Variants in HACD1 observed in about 807,000 individuals in gnomAD.
HACD1 encodes the protein 3-hydroxyacyl-CoA dehydratase 1.
In HACD1, 41 loss-of-function variants were observed where a neutral mutation model predicts 32.0. The ratio of observed to expected loss-of-function variants is 1.28; its 90% CI spans 1.00 to 1.66. The LOEUF is 1.66. Ranked by LOEUF, HACD1 falls within the 40% of genes most tolerant of loss-of-function variation. HACD1 has a pLI of 0.00. For synonymous variants in HACD1, 142 were observed against 139.0 expected (o/e 1.02, Z -0.15); for missense variants, 396 against 380.1 (o/e 1.04, Z -0.35).
intron 5 of HACD1, among the ~76,000 whole-genome samples, chr10:17,598,024 C>T (rs932494120): frequency 6.6e-6 from 1 of 151,964 alleles, no homozygotes; most frequent in African/African-American, 2.4e-5. Flanking sequence ...CTTAGGGAGG[C>T]CGAGGTGGGT....
At position 17,617,356 on chromosome 10, in the gene HACD1, G is replaced by C. The variant is rs76308933; in HGVS notation, c.-17C>G. The C allele has an allele frequency of 1.5e-6, 2 of 1,349,156 alleles. No homozygotes were observed. Among genetic ancestry groups the C allele is most frequent in the African/African-American group, 1.5e-5 (1 of 65,350 alleles). The allele number at this position is 1,349,156 out of a possible 1,614,324, so 83.6% of individuals were successfully genotyped here. A position where few individuals can be genotyped will look rare whatever the true frequency, so the allele number is the denominator to read the frequency against. On this transcript the variant is annotated 5_prime_UTR_variant, in exon 1 of 7. Transcript: ENST00000361271. ...GCGCCCCATGTGCAGCGCGCAGGGG[G>C]CTCGGCGCAGCCAGCTCTACCGACC... is the stretch of plus-strand genomic sequence containing the variant.
intron 1 of HACD1, among the ~76,000 whole-genome samples, chr10:17,605,905 G>A (rs1834139922): frequency 6.6e-6 from 1 of 152,042 alleles, no homozygotes; most frequent in Non-Finnish European, 1.5e-5. Context: ...AGTGAGCTGA[G>A]ATGGTGCCAC....
At chr10:17,608,173 C>G (rs1834175527) in intron 1 of HACD1, among the ~76,000 whole-genome samples, 1 of 152,036 alleles carries the variant, frequency 6.6e-6, no homozygotes, top group Admixed American at 6.6e-5. Flanking sequence ...CCATACCTGG[C>G]TCATTATTGT....
intron 1 of HACD1, among the ~76,000 whole-genome samples, chr10:17,616,248 C>T (rs1467421294): frequency 8.3e-6 from 1 of 120,190 alleles, no homozygotes; most frequent in Non-Finnish European, 1.8e-5. Flanking sequence ...CAGCCAAGAC[C>T]GAGCGAGACT....
At chr10:17,602,082 T>C (rs527914974) in intron 4 of HACD1, among the ~76,000 whole-genome samples, 1 of 151,666 alleles carries the variant, frequency 6.6e-6, no homozygotes, top group Non-Finnish European at 1.5e-5. Flanking sequence ...ATTTTTTTTT[T>C]TTTTTGAGAT....
chr10:17,616,641 C>T (rs1450728154), intron 1 of HACD1, among the ~76,000 whole-genome samples: 2 of 136,040 alleles, frequency 1.5e-5, no homozygotes, highest in African/African-American at 2.9e-5. Flanking sequence ...ACGTGCTGTG[C>T]TTTAAAAAAA....
intron 1 of HACD1, among the ~76,000 whole-genome samples, chr10:17,606,281 G>A (rs968562074): frequency 2.0e-5 from 3 of 152,278 alleles, no homozygotes; most frequent in East Asian, 1.9e-4. Context: ...AATAATAATC[G>A]TGCTTTAAAT....
chr10:17,613,442 C>A (rs1310594048), intron 1 of HACD1, among the ~76,000 whole-genome samples: 1 of 152,074 alleles, frequency 6.6e-6, no homozygotes, highest in African/African-American at 2.4e-5. Context: ...CCTTATTTAC[C>A]ACTATTCCCC....
chr10:17,594,457 A>C lies in HACD1; in HGVS notation c.606-74T>G, dbSNP rs1212957901. ...GACTTTACATTGCAGGTCTATTGCT[A>C]CTACTAAATTTAAACTTCAAAATTC... is the stretch of plus-strand genomic sequence containing the variant. On this transcript the variant is annotated intron_variant, in intron 5 of 6. Transcript: ENST00000361271. 6 of 1,161,358 alleles carry C rather than the reference A, an allele frequency of 5.2e-6. No individual in the cohort carries two copies. The African/African-American group carries it at 7.8e-5, about 15-fold the overall frequency. 71.9% of individuals were successfully genotyped at this position (1,161,358 alleles called of 1,614,324 possible).
rs1032242727 is a variant in HACD1 at position 17,617,342 on chromosome 10, G to A, written c.-3C>T. 1.4e-6 allele frequency: 2 copies of A among 1,400,794 alleles called. No homozygotes were observed. Among genetic ancestry groups the A allele is most frequent in the Admixed American group, 3.2e-5 (1 of 31,626 alleles). The allele number at this position is 1,400,794 out of a possible 1,614,324, so 86.8% of individuals were successfully genotyped here. ...GCCGCTTCCGTCAGGCGCCCCATGTGCAGCGCGCAGGGGGCTCGGCGCAGC... is the reference window on the plus strand; with the variant it reads ...GCCGCTTCCGTCAGGCGCCCCATGTACAGCGCGCAGGGGGCTCGGCGCAGC... On this transcript the variant is annotated 5_prime_UTR_variant, in exon 1 of 7. Transcript: ENST00000361271.
chr10:17,608,923 A>C (rs1383683957), intron 1 of HACD1, among the ~76,000 whole-genome samples: 6 of 152,210 alleles, frequency 3.9e-5, no homozygotes, highest in African/African-American at 1.4e-4. Flanking sequence ...AGTCAAGCTG[A>C]AAGATTCATA....
chr10:17,595,054 T>A (rs1255071354), intron 5 of HACD1, among the ~76,000 whole-genome samples: 6 of 151,954 alleles, frequency 3.9e-5, no homozygotes, highest in African/African-American at 1.5e-4. Flanking sequence ...AGACAGGGTT[T>A]CACCATGTTG....
chr10:17,599,200 G>C, intron 5 of HACD1, 90 bp downstream of exon 5: 1 of 1,543,332 alleles, frequency 6.5e-7, no homozygotes. Context: ...GGCATCGTGG[G>C]GCTGAAACAC....
chr10:17,609,735 C>T (rs1421870339), intron 1 of HACD1, among the ~76,000 whole-genome samples: 5 of 151,974 alleles, frequency 3.3e-5, no homozygotes, highest in Non-Finnish European at 7.4e-5. Context: ...AGAAATTACG[C>T]TTTGGGAGGC....
intron 1 of HACD1, among the ~76,000 whole-genome samples, chr10:17,613,732 C>G (rs909109238): frequency 2.0e-4 from 31 of 152,102 alleles, no homozygotes; most frequent in Admixed American, 1.3e-4. Flanking sequence ...GTCAGAGGGA[C>G]AGAATGGAGA....
chr10:17,603,758 G>C lies in HACD1; in HGVS notation c.376-14C>G. Reference sequence around the variant, plus strand: ...ACAGTGAACTATCTGTAAGCAAATAGAAAAAAATCATTACGTCAATAATAG... The same window carrying C: ...ACAGTGAACTATCTGTAAGCAAATACAAAAAAATCATTACGTCAATAATAG... On this transcript the variant is annotated splice_polypyrimidine_tract_variant and intron_variant, in intron 2 of 6. Coordinates refer to ENST00000361271, the MANE Select transcript of HACD1 (RefSeq NM_014241.4). The C allele has an allele frequency of 3.8e-6, 6 of 1,589,808 alleles. No individual in the cohort carries two copies. Among genetic ancestry groups the C allele is most frequent in the Non-Finnish European group, 5.2e-6 (6 of 1,161,172 alleles).
intron 1 of HACD1, among the ~76,000 whole-genome samples, chr10:17,613,748 T>C (rs1472422614): frequency 6.6e-6 from 1 of 152,170 alleles, no homozygotes; most frequent in Non-Finnish European, 1.5e-5. Flanking sequence ...GGAGAAAGCA[T>C]TTAATTCTGC....
chr10:17,604,341 C>T (rs1208925498), intron 1 of HACD1, among the ~76,000 whole-genome samples: 7 of 152,022 alleles, frequency 4.6e-5, no homozygotes, highest in African/African-American at 1.7e-4. Context: ...AAAAATTAGC[C>T]GGGTGTGGTG....
intron 4 of HACD1, 140 bp downstream of exon 4, chr10:17,603,420 A>T: frequency 1.4e-6 from 1 of 734,170 alleles, no homozygotes; most frequent in Non-Finnish European, 2.2e-6. Context: ...AAGTCAATGC[A>T]CAACATCTAA....
Sources: allele counts gnomAD v4.1 joint callset (sites outside exome capture counted in the v4.1 genomes callset), GRCh38; gene constraint gnomAD v4.1.1; transcripts MANE v1.5; gene names NCBI Gene and HGNC (gene_info 2026-07-23, HGNC 2026-07-21).